Variants in KCNG3 observed in about 807,000 individuals in gnomAD.
The protein encoded by KCNG3 is voltage-gated potassium channel regulatory subunit KCNG3.
Under a neutral mutation model 29.0 loss-of-function variants are expected in KCNG3, and 15 were observed. That is an observed-to-expected ratio of 0.52 (90% CI 0.35 to 0.80). The LOEUF is 0.80. Ranked by LOEUF, KCNG3 falls within the 30% of genes least tolerant of loss-of-function variation. KCNG3 has a pLI of 0.01. For synonymous variants in KCNG3, 322 were observed against 248.9 expected, an observed-to-expected ratio of 1.29 and a Z score of -2.76; for missense variants, 512 against 605.7, an observed-to-expected ratio of 0.85 and a Z score of 1.62.
At chr2:42,460,001 T>G (rs972346916) in intron 1 of KCNG3, among the ~76,000 whole-genome samples, 2 of 149,630 alleles carry the variant, frequency 1.3e-5, no homozygotes, top group African/African-American at 2.5e-5. Flanking sequence ...AAAGATGTTA[T>G]CATTGGGGAA....
the KCNG3 span, among the ~76,000 whole-genome samples, chr2:42,390,547 T>C: frequency 6.6e-6 from 1 of 152,082 alleles, no homozygotes; most frequent in Non-Finnish European, 1.5e-5. Flanking sequence ...GAGTGAGAAA[T>C]GATATACGTG....
At chr2:42,409,003 G>A in the KCNG3 span, among the ~76,000 whole-genome samples, 1 of 152,140 alleles carries the variant, frequency 6.6e-6, no homozygotes, top group Admixed American at 6.5e-5. Context: ...CAGCCTCACA[G>A]AGAGCCAGTG....
At chr2:42,468,889 G>C (rs1043861392) in intron 1 of KCNG3, among the ~76,000 whole-genome samples, 3 of 145,532 alleles carry the variant, frequency 2.1e-5, no homozygotes, top group Non-Finnish European at 4.5e-5. Flanking sequence ...GGGAGGCGGA[G>C]GTTTCAGTGA....
chr2:42,448,135 G>A (rs1672650329), intron 1 of KCNG3, among the ~76,000 whole-genome samples: 1 of 152,164 alleles, frequency 6.6e-6, no homozygotes, highest in South Asian at 2.1e-4. Flanking sequence ...ATGTTTAACG[G>A]CCTGCTCTGT....
chr2:42,443,752 T>A lies in KCNG3; in HGVS notation c.*182A>T, dbSNP rs140460916. ...AGGAGTCATTATTCTTCCTTTGCAG[T>A]CTCAATTCTATTTACTCCATAACAA... On this transcript the variant is annotated 3_prime_UTR_variant, in exon 2 of 2. Transcript: ENST00000306078. The A allele has an allele frequency of 3.6e-6, 2 of 550,418 alleles. No homozygotes were observed. Among genetic ancestry groups the A allele is most frequent in the African/African-American group, 3.8e-5 (2 of 52,812 alleles). The allele number at this position is 550,418 out of a possible 1,614,324, so 34.1% of individuals were successfully genotyped here. A position where few individuals can be genotyped will look rare whatever the true frequency, so the allele number is the denominator to read the frequency against.
the KCNG3 span, among the ~76,000 whole-genome samples, chr2:42,421,320 C>T: frequency 6.6e-6 from 1 of 151,810 alleles, no homozygotes; most frequent in Admixed American, 6.6e-5. Context: ...TCAGAAGTGA[C>T]AATAATAAAG....
chr2:42,410,468 T>C, the KCNG3 span, among the ~76,000 whole-genome samples: 1 of 152,212 alleles, frequency 6.6e-6, no homozygotes, highest in Non-Finnish European at 1.5e-5. Context: ...TATTAAACTT[T>C]TGAATTTTTG....
downstream of KCNG3, among the ~76,000 whole-genome samples, chr2:42,439,746 A>C (rs1672435532): frequency 6.6e-6 from 1 of 151,744 alleles, no homozygotes. Flanking sequence ...TCCCTGGTTC[A>C]AGTGATTCTC....
the KCNG3 span, among the ~76,000 whole-genome samples, chr2:42,404,453 C>T: frequency 1.3e-4 from 20 of 152,204 alleles, no homozygotes; most frequent in South Asian, 2.1e-3. Context: ...TGGAGCCAGG[C>T]GCGATGGCTC....
At chr2:42,408,727 A>T in the KCNG3 span, among the ~76,000 whole-genome samples, 10 of 152,150 alleles carry the variant, frequency 6.6e-5, no homozygotes, top group African/African-American at 2.4e-5. Context: ...TGGTTGCAGC[A>T]CAAGAACTCG....
At chr2:42,434,666 C>CAAAAAAAAAAAA in the KCNG3 span, among the ~76,000 whole-genome samples, 1 of 64,694 alleles carries the variant, frequency 1.5e-5, no homozygotes. Flanking sequence ...AACTCCATCT[C>CAAAAAAAAAAAA]AAAAAAAAAA....
downstream of KCNG3, among the ~76,000 whole-genome samples, chr2:42,437,936 C>A (rs2103651368): frequency 1.5e-5 from 1 of 66,734 alleles, no homozygotes; most frequent in African/African-American, 5.8e-5. Context: ...GAAACTCTGT[C>A]TCCAAAAAAA....
chr2:42,422,695 A>G, the KCNG3 span, among the ~76,000 whole-genome samples: 1 of 152,160 alleles, frequency 6.6e-6, no homozygotes, highest in Non-Finnish European at 1.5e-5. Flanking sequence ...AGGAGGGAAG[A>G]GCTCAGGGTT....
In KCNG3 at chr2:42,493,526, G is replaced by A. The variant is rs912397281; in HGVS notation, c.-25C>T. 15 of 1,340,442 alleles carry A rather than the reference G, an allele frequency of 1.1e-5. No individual in the cohort carries two copies. Among genetic ancestry groups the A allele is most frequent in the East Asian group, 3.1e-5 (1 of 32,566 alleles). The allele number at this position is 1,340,442 out of a possible 1,614,324, so 83.0% of individuals were successfully genotyped here. On this transcript the variant is annotated 5_prime_UTR_variant, in exon 1 of 2. Coordinates refer to ENST00000306078, the MANE Select transcript of KCNG3 (RefSeq NM_133329.6). The stretch of plus-strand genomic sequence containing the variant: ...TGGCTGGCCGCCCGGGGGACTTTCG[G>A]CCCGAGGGCCCCGCTGCAGCCCCCC...
chr2:42,474,543 A>G (rs1470166448), intron 1 of KCNG3, among the ~76,000 whole-genome samples: 1 of 152,196 alleles, frequency 6.6e-6, no homozygotes, highest in African/African-American at 2.4e-5. Flanking sequence ...AAAAATAAAT[A>G]TATTTTAAAA....
chr2:42,467,783 A>C (rs1673179003), intron 1 of KCNG3, among the ~76,000 whole-genome samples: 1 of 151,850 alleles, frequency 6.6e-6, no homozygotes, highest in Non-Finnish European at 1.5e-5. Flanking sequence ...CAGCCTGGAC[A>C]ACATGGCGAA....
At chr2:42,451,697 A>G (rs1320603642) in intron 1 of KCNG3, among the ~76,000 whole-genome samples, 2 of 151,864 alleles carry the variant, frequency 1.3e-5, no homozygotes, top group Non-Finnish European at 2.9e-5. Flanking sequence ...CTGCACTCCA[A>G]CCTGGGCGAC....
the KCNG3 span, among the ~76,000 whole-genome samples, chr2:42,405,765 G>C: frequency 6.6e-6 from 1 of 152,046 alleles, no homozygotes; most frequent in Non-Finnish European, 1.5e-5. Flanking sequence ...CCGTCACCAA[G>C]CCCGGCTAAT....
chr2:42,409,422 G>C, the KCNG3 span, among the ~76,000 whole-genome samples: 1 of 150,770 alleles, frequency 6.6e-6, no homozygotes, highest in Admixed American at 6.6e-5. Flanking sequence ...ATTTTTTTAA[G>C]GCTGGGCGAG....
Sources: gnomAD v4.1 joint callset for allele counts (sites outside exome capture counted in the v4.1 genomes callset) on GRCh38, gnomAD v4.1.1 for gene constraint, MANE v1.5 for transcripts, NCBI Gene and HGNC (gene_info 2026-07-23, HGNC 2026-07-21) for gene names.